Variants in PCDHGA7 observed in about 807,000 individuals in gnomAD.
The protein encoded by PCDHGA7 is protocadherin gamma subfamily A, 7, also known as protocadherin gamma-A7.
Under a neutral mutation model 58.3 loss-of-function variants are expected in PCDHGA7, and 44 were observed. The ratio of observed to expected loss-of-function variants is 0.75; its 90% confidence interval spans 0.59 to 0.97. The LOEUF (loss-of-function observed/expected upper bound fraction) is 0.97, where lower values mean the gene tolerates loss of function less well. PCDHGA7 is among the 50% of genes least tolerant of loss of function. The probability of loss-of-function intolerance (pLI) is 0.00; values close to 1 mark genes in which losing one functional copy is unlikely to be tolerated. For missense variants in PCDHGA7, 1,266 were observed against 1,188.7 expected (o/e 1.06, Z -0.96); for synonymous variants, 516 against 504.2 (o/e 1.02, Z -0.31).
intron 1 of PCDHGA7, chr5:141,417,260 G>A (rs1362206061): frequency 1.3e-5 from 2 of 152,174 alleles, no homozygotes; most frequent in Non-Finnish European, 2.9e-5. Context: ...CAGCTTCATA[G>A]ATAATTACTC....
chr5:141,445,708 G>A (rs2098475030), intron 1 of PCDHGA7, among the ~76,000 whole-genome samples: 1 of 152,168 alleles, frequency 6.6e-6, no homozygotes, highest in African/African-American at 2.4e-5. Flanking sequence ...AAATTGTCAG[G>A]CAGAGGAAAT....
At chr5:141,410,487 A>G in intron 1 of PCDHGA7, 1 of 1,613,970 alleles carries the variant, frequency 6.2e-7, no homozygotes, top group Non-Finnish European at 8.5e-7. Context: ...ACGGGTACAA[A>G]AGAGTTTAAT....
chr5:141,422,568 C>T (rs372115955), intron 1 of PCDHGA7: 91 of 1,613,904 alleles, frequency 5.6e-5, no homozygotes, highest in Non-Finnish European at 7.5e-5. Flanking sequence ...CAGATGACAA[C>T]GATAACCCTC....
At chr5:141,391,498 G>A (rs974621252) in intron 1 of PCDHGA7, 1 of 151,980 alleles carries the variant, frequency 6.6e-6, no homozygotes, top group African/African-American at 2.4e-5. Flanking sequence ...TTTCAGTAGA[G>A]AAAATATTTT....
At chr5:141,498,346 C>T (rs780832000) in intron 2 of PCDHGA7, among the ~76,000 whole-genome samples, 1 of 150,796 alleles carries the variant, frequency 6.6e-6, no homozygotes, top group Non-Finnish European at 1.5e-5. Context: ...ATGGGAAAAG[C>T]CTATGCAAAA....
rs1340692426 is a variant in PCDHGA7 at position 141,485,025 on chromosome 5, A to C, written c.2425-9782A>C. ...CAAATCTACCCCGCCACCAGCAAAAACGGCGCGTAACCCTTGCGGCGCCGG... is the reference window on the plus strand; with the variant it reads ...CAAATCTACCCCGCCACCAGCAAAACCGGCGCGTAACCCTTGCGGCGCCGG... On this transcript the variant is annotated intron_variant, in intron 1 of 3. Transcript: ENST00000518325. This position sits in a 1 kb window ranked among gnomAD's most constrained non-coding sequence, Gnocchi z 5.7. 2 of 657,796 alleles carry C rather than the reference A, an allele frequency of 3.0e-6. No homozygotes were observed. The highest frequency in any genetic ancestry group is 5.4e-6 in the Non-Finnish European group (2 of 369,210). The allele number at this position is 657,796 out of a possible 1,614,324, so 40.7% of individuals were successfully genotyped here.
chr5:141,410,414 G>A lies in PCDHGA7; in HGVS notation c.2424+25091G>A, dbSNP rs201698858. On this transcript the variant is annotated intron_variant, in intron 1 of 3. Coordinates refer to ENST00000518325, the MANE Select transcript of PCDHGA7 (RefSeq NM_018920.4). ...TGGTCTCTGTGTCAAGTCTGGACCT[G>A]TAGTTCCCCCCAACTACAGTGAGGG... 2.0e-4 allele frequency: 326 copies of A among 1,613,916 alleles called. 1 individual carries two copies. The highest frequency in any genetic ancestry group is 2.7e-4 in the Non-Finnish European group (315 of 1,179,910).
Position 141,414,991 on chromosome 5 carries a change from G to A in PCDHGA7, c.2424+29668G>A, listed in dbSNP as rs1162432290. ...GGTGGACAGAGACTCCGGCCAGAAC[G>A]CCTGGCTGTCCTACCGTCTGCTCAA... On this transcript the variant is annotated intron_variant, in intron 1 of 3. Transcript: ENST00000518325. 10 of 1,613,648 alleles carry A rather than the reference G, an allele frequency of 6.2e-6. No homozygotes were observed. The Admixed American group carries it at 1.2e-4, about 19-fold the overall frequency.
intron 1 of PCDHGA7, among the ~76,000 whole-genome samples, chr5:141,424,906 A>T (rs1417615946): frequency 5.9e-5 from 9 of 152,212 alleles, no homozygotes. Context: ...GATCACAGGA[A>T]TCATTTCCAT....
intron 1 of PCDHGA7, among the ~76,000 whole-genome samples, chr5:141,434,021 C>A (rs1023145172): frequency 2.0e-5 from 3 of 152,052 alleles, no homozygotes; most frequent in Admixed American, 2.0e-4. Context: ...TTCTATGATT[C>A]TGGAAGCATG....
In PCDHGA7 at chr5:141,432,250, A is replaced by G. The variant is rs777728825; in HGVS notation, c.2424+46927A>G. 2 of 1,614,234 alleles carry G rather than the reference A, an allele frequency of 1.2e-6. No homozygotes were observed. Among genetic ancestry groups the G allele is most frequent in the Admixed American group, 1.7e-5 (1 of 60,026 alleles). ...ATTCCCTGGCTGAGAACACCATCCA[A>G]GGGGCAAGCCTATCGTCCTACGTGT... On this transcript the variant is annotated intron_variant, in intron 1 of 3. Transcript: ENST00000518325. The surrounding 1 kb of genome is among the most constrained non-coding windows in gnomAD (Gnocchi z 6.0).
chr5:141,479,211 A>G (rs2099490342), intron 1 of PCDHGA7: 1 of 152,422 alleles, frequency 6.6e-6, no homozygotes, highest in African/African-American at 2.4e-5. Context: ...AAGTATTTAA[A>G]AAATTAAAAC....
intron 1 of PCDHGA7, among the ~76,000 whole-genome samples, chr5:141,460,981 G>A (rs35435563): frequency 1.6e-4 from 20 of 121,900 alleles, no homozygotes; most frequent in African/African-American, 3.7e-4. Context: ...GTGTGTGTGT[G>A]TGTATATATA....
chr5:141,409,697 C>A (rs372548874), intron 1 of PCDHGA7: 1 of 1,613,178 alleles, frequency 6.2e-7, no homozygotes, highest in African/African-American at 1.3e-5. Context: ...CCTAGAGCCC[C>A]TGGCGGTGTC....
chr5:141,465,979 G>A (rs779605313), intron 1 of PCDHGA7, among the ~76,000 whole-genome samples: 9 of 151,846 alleles, frequency 5.9e-5, no homozygotes, highest in Non-Finnish European at 1.3e-4. Flanking sequence ...AAAATTAGCC[G>A]GGCATGGTGG....
At chr5:141,495,499 C>T (rs918858395) in intron 2 of PCDHGA7, among the ~76,000 whole-genome samples, 13 of 152,162 alleles carry the variant, frequency 8.5e-5, no homozygotes, top group African/African-American at 2.9e-4. Context: ...CTTGAGTTTC[C>T]GTCTTTGCCA....
chr5:141,400,728 T>G (rs1293655070), intron 1 of PCDHGA7: 2 of 648,072 alleles, frequency 3.1e-6, no homozygotes, highest in Non-Finnish European at 5.2e-6. Flanking sequence ...ATTTACAAAG[T>G]AGTGAGAGTT....
chr5:141,390,373 AT>A, intron 1 of PCDHGA7: 1 of 1,481,206 alleles, frequency 6.8e-7, no homozygotes, highest in Non-Finnish European at 9.2e-7. Flanking sequence ...AAAATATATA[AT>A]TTTTAGATGT....
intron 1 of PCDHGA7, chr5:141,393,269 T>C (rs1481759237): frequency 1.2e-6 from 2 of 1,613,832 alleles, no homozygotes; most frequent in Non-Finnish European, 1.7e-6. Flanking sequence ...GAGCACGTTA[T>C]CCACTCCCAG....
Sources: allele counts gnomAD v4.1 joint callset (sites outside exome capture counted in the v4.1 genomes callset), GRCh38; gene constraint gnomAD v4.1.1; non-coding constraint Gnocchi (gnomAD v3.1); transcripts MANE v1.5; gene names NCBI Gene and HGNC (gene_info 2026-07-23, HGNC 2026-07-21).